CTNNA3: variants seen among roughly 807,000 people sequenced by gnomAD.
The protein encoded by CTNNA3 is catenin alpha-3.
Under a neutral mutation model 95.7 loss-of-function variants are expected in CTNNA3, and 76 were observed. The ratio of observed to expected loss-of-function variants is 0.79; its 90% CI spans 0.66 to 0.96. The LOEUF is 0.96. Ranked by LOEUF, CTNNA3 falls within the 40% of genes least tolerant of loss-of-function variation. CTNNA3 has a pLI of 0.00. For synonymous variants in CTNNA3, 431 were observed against 374.4 expected (o/e 1.15, Z -1.74); for missense variants, 1,191 against 1,089.8 (o/e 1.09, Z -1.31).
chr10:66,841,865 T>C (rs1843076560), intron 7 of CTNNA3, among the ~76,000 whole-genome samples: 1 of 152,148 alleles, frequency 6.6e-6, no homozygotes, highest in African/African-American at 2.4e-5. Flanking sequence ...AAAATGGATA[T>C]GAAAAAATGA....
At chr10:65,975,424 G>T (rs1332686695) in intron 16 of CTNNA3, among the ~76,000 whole-genome samples, 1 of 151,872 alleles carries the variant, frequency 6.6e-6, no homozygotes, top group Non-Finnish European at 1.5e-5. Context: ...AAGAGGAGAA[G>T]GCAGAGACAG....
At chr10:66,151,537 G>A (rs1165043509) in intron 13 of CTNNA3, among the ~76,000 whole-genome samples, 1 of 151,832 alleles carries the variant, frequency 6.6e-6, no homozygotes, top group Non-Finnish European at 1.5e-5. Context: ...TAACAAATGA[G>A]TCACACGTGA....
intron 5 of CTNNA3, among the ~76,000 whole-genome samples, chr10:67,349,110 T>C (rs1265298735): frequency 6.6e-6 from 1 of 152,166 alleles, no homozygotes; most frequent in African/African-American, 2.4e-5. Flanking sequence ...TCAGTGGAAA[T>C]GCAAAATGGT....
At chr10:67,371,956 G>A (rs1379127918) in intron 5 of CTNNA3, among the ~76,000 whole-genome samples, 2 of 152,184 alleles carry the variant, frequency 1.3e-5, no homozygotes, top group Admixed American at 1.3e-4. Context: ...TTGTGGTTTT[G>A]ATTTGCATTT....
intron 9 of CTNNA3, among the ~76,000 whole-genome samples, chr10:66,707,819 GACA>G (rs745705344): frequency 2.5e-4 from 38 of 152,154 alleles, no homozygotes; most frequent in Non-Finnish European, 4.7e-4. Context: ...AATAACTACA[GACA>G]ACACTTTCCA....
intron 7 of CTNNA3, among the ~76,000 whole-genome samples, chr10:66,864,509 G>T (rs1171189170): frequency 6.6e-6 from 1 of 151,952 alleles, no homozygotes; most frequent in Non-Finnish European, 1.5e-5. Flanking sequence ...TGGTCTGTGG[G>T]CTTCTGTTAT....
At chr10:66,411,705 A>T (rs1050183455) in intron 11 of CTNNA3, among the ~76,000 whole-genome samples, 8 of 152,172 alleles carry the variant, frequency 5.3e-5, no homozygotes, top group Non-Finnish European at 1.0e-4. Flanking sequence ...GACAGTGATA[A>T]ATACTGTAAA....
At chr10:66,606,264 T>A (rs535274538) in intron 10 of CTNNA3, among the ~76,000 whole-genome samples, 1 of 152,186 alleles carries the variant, frequency 6.6e-6, no homozygotes, top group African/African-American at 2.4e-5. Context: ...GGCGTCCAGA[T>A]TCACAAAAGA....
chr10:67,485,064 A>T (rs1348714005), intron 5 of CTNNA3, among the ~76,000 whole-genome samples: 1 of 152,252 alleles, frequency 6.6e-6, no homozygotes, highest in Non-Finnish European at 1.5e-5. Context: ...CATGGAATCA[A>T]CATAGATGCC....
chr10:67,181,002 A>C (rs532160183), intron 6 of CTNNA3, among the ~76,000 whole-genome samples: 7 of 152,188 alleles, frequency 4.6e-5, no homozygotes, highest in Non-Finnish European at 1.0e-4. Flanking sequence ...CAAAGTATTA[A>C]TAACTACACA....
At chr10:66,247,331 C>T (rs2090373699) in intron 13 of CTNNA3, among the ~76,000 whole-genome samples, 1 of 152,134 alleles carries the variant, frequency 6.6e-6, no homozygotes, top group Admixed American at 6.5e-5. Context: ...TCACAGCTAG[C>T]ATTGCTGGAC....
At chr10:67,762,820 T>C (rs941654872) in intron 1 of CTNNA3, among the ~76,000 whole-genome samples, 5 of 152,188 alleles carry the variant, frequency 3.3e-5, no homozygotes, top group African/African-American at 1.2e-4. Flanking sequence ...ATTAGGGACA[T>C]TGTATAGAAA....
At chr10:66,482,220 G>C (rs559427433) in intron 11 of CTNNA3, among the ~76,000 whole-genome samples, 54 of 152,214 alleles carry the variant, frequency 3.5e-4, no homozygotes, top group Non-Finnish European at 7.4e-5. Context: ...ATATCATATT[G>C]AAAACAAGTA....
rs1589632519 is a variant in CTNNA3, at chr10:67,031,374, A to G, written c.1047+148943T>C. The stretch of plus-strand genomic sequence containing the variant: ...ATAGAAAAAATCAGTGTCAGATCTA[A>G]GAATATCATTCTTCGTCTTCACTTC... On this transcript the variant is annotated intron_variant, in intron 7 of 17. Coordinates refer to ENST00000433211, the MANE Select transcript of CTNNA3 (RefSeq NM_013266.4). 2.0e-5 allele frequency among the ~76,000 whole-genome samples: 3 copies of G among 152,214 alleles called. No homozygotes were observed. The East Asian group carries it at 5.8e-4, about 29-fold the overall frequency.
intron 3 of CTNNA3, among the ~76,000 whole-genome samples, chr10:67,558,097 C>T (rs1388379067): frequency 6.6e-6 from 1 of 152,068 alleles, no homozygotes; most frequent in East Asian, 1.9e-4. Context: ...CCTTTCTAAA[C>T]ATGGCCACTC....
chr10:67,740,352 A>G (rs920654913), intron 1 of CTNNA3, among the ~76,000 whole-genome samples: 1 of 151,852 alleles, frequency 6.6e-6, no homozygotes, highest in Non-Finnish European at 1.5e-5. Context: ...AAAACAAACT[A>G]CCATCAGAGT....
chr10:66,385,436 G>A (rs1205446491), intron 11 of CTNNA3, among the ~76,000 whole-genome samples: 1 of 152,098 alleles, frequency 6.6e-6, no homozygotes, highest in Non-Finnish European at 1.5e-5. Flanking sequence ...CTCTGAAATT[G>A]AGGCAAAAAT....
At chr10:65,975,058 T>C (rs1440415012) in intron 16 of CTNNA3, among the ~76,000 whole-genome samples, 3 of 152,170 alleles carry the variant, frequency 2.0e-5, no homozygotes, top group Admixed American at 1.3e-4. Context: ...CTTATCGTCT[T>C]ATATTTTTTA....
At chr10:66,562,195 C>T (rs1842575313) in intron 10 of CTNNA3, among the ~76,000 whole-genome samples, 2 of 152,108 alleles carry the variant, frequency 1.3e-5, no homozygotes, top group Admixed American at 1.3e-4. Flanking sequence ...ACTGAAATCT[C>T]ATTGTTCAAG....
Sources: gnomAD v4.1 joint callset for allele counts (sites outside exome capture counted in the v4.1 genomes callset) on GRCh38, gnomAD v4.1.1 for gene constraint, MANE v1.5 for transcripts, NCBI Gene and HGNC (gene_info 2026-07-23, HGNC 2026-07-21) for gene names.